CUX1: variants seen among roughly 807,000 people sequenced by gnomAD.
CUX1 encodes cut like homeobox 1.
Under a neutral mutation model 158.8 loss-of-function variants are expected in CUX1, and 31 were observed. The observed-to-expected ratio is 0.20, with a 90% CI of 0.15 to 0.26. CUX1 has a LOEUF of 0.26. Among genes scored for constraint, CUX1 ranks in the 10% least tolerant of loss-of-function variants. The pLI is 1.00. For synonymous variants in CUX1, 879 were observed against 862.1 expected (o/e 1.02, Z -0.34); for missense variants, 1,589 against 2,014.6 (o/e 0.79, Z 4.04).
At position 102,257,211 on chromosome 7, in the gene CUX1, A is replaced by G. The variant is rs1554542313; in HGVS notation, c.*8169A>G. Reference sequence around the variant, plus strand: ...GAAGAGCATCTCTTTCCATATCATCACCTCCCCTTCTCCAAGATTGCCGGG... The same window carrying G: ...GAAGAGCATCTCTTTCCATATCATCGCCTCCCCTTCTCCAAGATTGCCGGG... On this transcript the variant is annotated 3_prime_UTR_variant, in exon 24 of 24. Transcript: ENST00000292535. 2.0e-6 allele frequency: 2 copies of G among 982,854 alleles called. No individual in the cohort carries two copies. The highest frequency in any genetic ancestry group is 2.4e-6 in the Non-Finnish European group (2 of 829,466). 60.9% of individuals were successfully genotyped at this position (982,854 alleles called of 1,614,324 possible). A position where few individuals can be genotyped will look rare whatever the true frequency, so the allele number is the denominator to read the frequency against.
intron 2 of CUX1, among the ~76,000 whole-genome samples, chr7:101,969,613 G>T (rs1811691001): frequency 6.6e-6 from 1 of 152,140 alleles, no homozygotes; most frequent in East Asian, 1.9e-4. Flanking sequence ...AGCGGTCGAA[G>T]GGAACTTAAG....
intron 8 of CUX1, among the ~76,000 whole-genome samples, chr7:102,157,326 T>TA (rs3216523): frequency 0.039 from 5,604 of 144,930 alleles, 336 homozygotes; most frequent in African/African-American, 0.13. Context: ...TTGGGTATGC[T>TA]AAAAAAAAAA....
intron 2 of CUX1, among the ~76,000 whole-genome samples, chr7:101,929,883 C>G (rs1257287028): frequency 6.6e-6 from 1 of 152,068 alleles, no homozygotes; most frequent in Non-Finnish European, 1.5e-5. Context: ...TTCTTGTCAC[C>G]CAGGCTGGAG....
At chr7:101,928,416 G>C (rs1303572535) in intron 2 of CUX1, among the ~76,000 whole-genome samples, 1 of 149,726 alleles carries the variant, frequency 6.7e-6, no homozygotes, top group Admixed American at 6.7e-5. Context: ...TGTCACCCAG[G>C]CTGGAGTGCA....
intron 2 of CUX1, among the ~76,000 whole-genome samples, chr7:102,001,995 T>C (rs1415344911): frequency 6.6e-6 from 1 of 152,214 alleles, no homozygotes; most frequent in African/African-American, 2.4e-5. Flanking sequence ...AACTGTTCTA[T>C]GTAAAACAAG....
chr7:101,895,902 G>GTTTTT (rs1193952295), intron 1 of CUX1, among the ~76,000 whole-genome samples: 84 of 40,394 alleles, frequency 2.1e-3, no homozygotes, highest in South Asian at 6.9e-3. Context: ...TTTTTTTTTT[G>GTTTTT]TTTTTGTTTT....
intron 11 of CUX1, among the ~76,000 whole-genome samples, chr7:102,179,654 T>G (rs1473774242): frequency 6.6e-6 from 1 of 152,220 alleles, no homozygotes; most frequent in African/African-American, 2.4e-5. Context: ...GATTATACTT[T>G]AGGTATTTAT....
At chr7:101,870,666 A>G (rs1048733697) in intron 1 of CUX1, among the ~76,000 whole-genome samples, 4 of 152,176 alleles carry the variant, frequency 2.6e-5, no homozygotes, top group African/African-American at 7.2e-5. Flanking sequence ...GTCTGAATTT[A>G]CAGGGAAATC....
intron 2 of CUX1, among the ~76,000 whole-genome samples, chr7:101,951,199 C>T (rs1411640203): frequency 1.3e-5 from 2 of 151,802 alleles, no homozygotes; most frequent in Non-Finnish European, 2.9e-5. Context: ...GGTGTGGTGG[C>T]GCACGCCTGT....
chr7:102,093,798 A>T lies in CUX1; in HGVS notation c.269-3566A>T, dbSNP rs190631463. On this transcript the variant is annotated intron_variant, in intron 4 of 23. Transcript: ENST00000292535. Reference sequence around the variant, plus strand: ...AGATGATTGTAAAACACTTTACAAGATTGTCGCATTGGGTGGGCGGAGCTG... The same window carrying T: ...AGATGATTGTAAAACACTTTACAAGTTTGTCGCATTGGGTGGGCGGAGCTG... 1.1e-3 allele frequency among the ~76,000 whole-genome samples: 164 copies of T among 152,330 alleles called. 2 individuals carry two copies. Among genetic ancestry groups the T allele is most frequent in the African/African-American group, 3.8e-3 (160 of 41,580 alleles).
intron 1 of CUX1, among the ~76,000 whole-genome samples, chr7:101,912,833 C>T (rs1354696914): frequency 7.9e-5 from 12 of 152,034 alleles, no homozygotes; most frequent in Admixed American, 5.9e-4. Flanking sequence ...GAGGTTGGGT[C>T]CAGGTTTTTT....
rs1792599956 is a variant in CUX1, at chr7:101,821,685, T to TTTTTTTTTTTG, written c.30+4026_30+4027insGTTTTTTTTTT. On this transcript the variant is annotated intron_variant, in intron 1 of 23. Coordinates refer to ENST00000292535, the MANE Select transcript of CUX1 (RefSeq NM_181552.4). ...TTTTCTTTTTTCTTTTTTTTTTTTT[T>TTTTTTTTTTTG]TTTTTTTTTTTTGAGACGTGGTTCT... is the stretch of plus-strand genomic sequence containing the variant. 1.7e-5 allele frequency among the ~76,000 whole-genome samples: 2 copies of TTTTTTTTTTTG among 116,342 alleles called. 1 individual carries two copies. The highest frequency in any genetic ancestry group is 3.6e-5 in the Non-Finnish European group (2 of 55,320). 76.3% of individuals were successfully genotyped at this position (116,342 alleles called of 152,430 possible).
chr7:101,968,268 G>A (rs1419383171), intron 2 of CUX1, among the ~76,000 whole-genome samples: 1 of 152,114 alleles, frequency 6.6e-6, no homozygotes, highest in African/African-American at 2.4e-5. Context: ...GGGTGGGAGG[G>A]AGTTCCTATA....
intron 9 of CUX1, among the ~76,000 whole-genome samples, chr7:102,160,249 C>G (rs76859492): frequency 0.064 from 9,691 of 152,038 alleles, 426 homozygotes; most frequent in African/African-American, 0.11. Context: ...TCTCAAGTTT[C>G]CACCGACTCC....
intron 3 of CUX1, among the ~76,000 whole-genome samples, chr7:102,034,078 G>A (rs538737003): frequency 8.1e-5 from 11 of 136,156 alleles, no homozygotes; most frequent in Middle Eastern, 8.3e-3. Context: ...CCCAGCAGGC[G>A]GAGGTTGCGG....
intron 8 of CUX1, among the ~76,000 whole-genome samples, chr7:102,134,535 G>A (rs1833680578): frequency 6.6e-6 from 1 of 152,204 alleles, no homozygotes; most frequent in Non-Finnish European, 1.5e-5. Context: ...ATCTGCGTCA[G>A]ACTGACAGTG....
chr7:102,228,616 T>C (rs375469523), intron 21 of CUX1, among the ~76,000 whole-genome samples: 1 of 152,088 alleles, frequency 6.6e-6, no homozygotes, highest in Non-Finnish European at 1.5e-5. Context: ...CTGGGCAGCA[T>C]GGCAAAACCC....
chr7:102,251,137 C>T lies in CUX1; in HGVS notation c.*2095C>T, dbSNP rs1371598669. 21 of 983,926 alleles carry T rather than the reference C, an allele frequency of 2.1e-5. No individual in the cohort carries two copies. Among genetic ancestry groups the T allele is most frequent in the Non-Finnish European group, 2.3e-5 (19 of 829,278 alleles). The allele number at this position is 983,926 out of a possible 1,614,324, so 60.9% of individuals were successfully genotyped here. Reference sequence around the variant, plus strand: ...TATTACTGATTGAAAACTTTTTGACCGTATTGTGTATCATTGAAACCTTTG... The same window carrying T: ...TATTACTGATTGAAAACTTTTTGACTGTATTGTGTATCATTGAAACCTTTG... On this transcript the variant is annotated 3_prime_UTR_variant, in exon 24 of 24. Coordinates refer to ENST00000292535, the MANE Select transcript of CUX1 (RefSeq NM_181552.4).
At chr7:102,159,500 C>T (rs371045852) in intron 9 of CUX1, among the ~76,000 whole-genome samples, 1 of 152,020 alleles carries the variant, frequency 6.6e-6, no homozygotes, top group Non-Finnish European at 1.5e-5. Flanking sequence ...ACCCCTTCCT[C>T]CCCCCAGGAG....
Sources: allele counts gnomAD v4.1 joint callset (sites outside exome capture counted in the v4.1 genomes callset), GRCh38; gene constraint gnomAD v4.1.1; transcripts MANE v1.5; gene names NCBI Gene and HGNC (gene_info 2026-07-23, HGNC 2026-07-21).